CHSY3: variants seen among roughly 807,000 people sequenced by gnomAD.
The protein encoded by CHSY3 is N-acetylgalactosaminyl-proteoglycan 3-beta-glucuronosyltransferase 3.
CHSY3 carries 35 observed loss-of-function variants against 67.2 expected under a neutral mutation model. The ratio of observed to expected loss-of-function variants is 0.52; its 90% CI spans 0.40 to 0.69. The LOEUF (loss-of-function observed/expected upper bound fraction) is 0.69. Among genes scored for constraint, CHSY3 ranks in the 30% least tolerant of loss-of-function variants. The pLI is 0.00. For synonymous variants in CHSY3, 474 were observed against 434.7 expected (o/e 1.09, Z -1.12); for missense variants, 1,069 against 1,138.5 (o/e 0.94, Z 0.88).
intron 2 of CHSY3, among the ~76,000 whole-genome samples, chr5:130,180,791 A>T (rs1429285989): frequency 6.6e-6 from 1 of 152,186 alleles, no homozygotes; most frequent in East Asian, 1.9e-4. Flanking sequence ...GGAGCACTGC[A>T]GTGAGCAGAG....
At chr5:129,940,929 A>G (rs1181914266) in intron 2 of CHSY3, among the ~76,000 whole-genome samples, 3 of 152,150 alleles carry the variant, frequency 2.0e-5, no homozygotes, top group Non-Finnish European at 4.4e-5. Context: ...ATGCTAAGCT[A>G]TGATGTTCAG....
chr5:129,927,648 T>C (rs1047978198), intron 2 of CHSY3, among the ~76,000 whole-genome samples: 1 of 152,054 alleles, frequency 6.6e-6, no homozygotes, highest in African/African-American at 2.4e-5. Flanking sequence ...CAGGTTTTAT[T>C]GTATAGTGGC....
intron 2 of CHSY3, among the ~76,000 whole-genome samples, chr5:130,058,589 G>A (rs930835994): frequency 6.6e-6 from 1 of 152,194 alleles, no homozygotes; most frequent in Non-Finnish European, 1.5e-5. Flanking sequence ...TTGCACCATT[G>A]TACTCCAGCC....
intron 2 of CHSY3, among the ~76,000 whole-genome samples, chr5:129,986,468 A>T (rs1022078241): frequency 5.9e-5 from 9 of 152,030 alleles, no homozygotes; most frequent in Admixed American, 3.9e-4. Context: ...TTCATCCGGG[A>T]TATTGGCCTA....
At chr5:130,181,278 A>G (rs1561573204) in intron 2 of CHSY3, among the ~76,000 whole-genome samples, 1 of 152,246 alleles carries the variant, frequency 6.6e-6, no homozygotes, top group Non-Finnish European at 1.5e-5. Flanking sequence ...GCAAATTAAT[A>G]TAATTTTTAA....
intron 2 of CHSY3, among the ~76,000 whole-genome samples, chr5:130,055,786 C>T (rs1398009665): frequency 6.6e-6 from 1 of 151,844 alleles, no homozygotes; most frequent in East Asian, 1.9e-4. Context: ...CCATTGAGTC[C>T]CGGACATTTT....
At chr5:130,115,369 C>T (rs1444024052) in intron 2 of CHSY3, among the ~76,000 whole-genome samples, 2 of 152,060 alleles carry the variant, frequency 1.3e-5, no homozygotes, top group African/African-American at 4.8e-5. Flanking sequence ...CAAAGCAAGG[C>T]ATAAATTTCA....
intron 2 of CHSY3, among the ~76,000 whole-genome samples, chr5:129,923,690 T>G (rs1169816072): frequency 6.6e-6 from 1 of 152,086 alleles, no homozygotes; most frequent in Non-Finnish European, 1.5e-5. Flanking sequence ...GGAAACACAA[T>G]TGGCAGATCA....
intron 2 of CHSY3, among the ~76,000 whole-genome samples, chr5:130,123,174 TA>T (rs906577949): frequency 6.6e-6 from 1 of 152,124 alleles, no homozygotes; most frequent in African/African-American, 2.4e-5. Context: ...TGCCACTATG[TA>T]AAAAATAAAA....
intron 2 of CHSY3, among the ~76,000 whole-genome samples, chr5:130,163,207 A>C (rs1224756515): frequency 2.0e-5 from 3 of 152,202 alleles, no homozygotes; most frequent in African/African-American, 4.8e-5. Flanking sequence ...GCTATTAGTG[A>C]GATACATAGT....
intron 2 of CHSY3, among the ~76,000 whole-genome samples, chr5:130,023,810 G>A (rs1159492549): frequency 1.3e-5 from 2 of 151,774 alleles, no homozygotes; most frequent in Admixed American, 6.6e-5. Flanking sequence ...TGTACAGAGA[G>A]GAAAAATGAG....
chr5:129,990,377 A>AGTGTGTGTGTGT (rs34958818), intron 2 of CHSY3, among the ~76,000 whole-genome samples: 16 of 147,578 alleles, frequency 1.1e-4, no homozygotes, highest in South Asian at 8.7e-4. Context: ...TGAGTGAGTG[A>AGTGTGTGTGTGT]GTGTGTGTGT....
chr5:130,120,622 C>T (rs964624495), intron 2 of CHSY3, among the ~76,000 whole-genome samples: 2 of 152,042 alleles, frequency 1.3e-5, no homozygotes, highest in Non-Finnish European at 2.9e-5. Flanking sequence ...TATGTGTGAC[C>T]TATGGCAAGT....
chr5:130,128,933 T>TG, intron 2 of CHSY3, among the ~76,000 whole-genome samples: 1 of 148,938 alleles, frequency 6.7e-6, no homozygotes, highest in South Asian at 2.1e-4. Context: ...AATGTGAGGT[T>TG]TTTTTTTTTT....
At chr5:129,923,191 T>A (rs1760979794) in intron 2 of CHSY3, among the ~76,000 whole-genome samples, 1 of 148,902 alleles carries the variant, frequency 6.7e-6, no homozygotes, top group South Asian at 2.2e-4. Flanking sequence ...TGATTAGAGA[T>A]GTAGGAGTGG....
intron 2 of CHSY3, among the ~76,000 whole-genome samples, chr5:130,022,073 A>T (rs1199873548): frequency 1.3e-5 from 2 of 152,074 alleles, no homozygotes; most frequent in East Asian, 3.9e-4. Flanking sequence ...AAAGGCCGAC[A>T]TTGCTTTTTG....
intron 2 of CHSY3, among the ~76,000 whole-genome samples, chr5:130,050,984 G>A (rs1010239915): frequency 6.6e-6 from 1 of 152,078 alleles, no homozygotes; most frequent in African/African-American, 2.4e-5. Context: ...ATATTTAAAT[G>A]TACTATCATA....
chr5:129,938,566 C>T (rs181052023), intron 2 of CHSY3, among the ~76,000 whole-genome samples: 101 of 152,328 alleles, frequency 6.6e-4, no homozygotes, highest in African/African-American at 1.7e-3. Flanking sequence ...CAGGCCACAT[C>T]GTGAACACTC....
chr5:130,043,079 T>C (rs1447131940), intron 2 of CHSY3, among the ~76,000 whole-genome samples: 4 of 152,064 alleles, frequency 2.6e-5, no homozygotes, highest in Non-Finnish European at 4.4e-5. Flanking sequence ...AATTGTGATA[T>C]AAATGTTAAA....
Sources: gnomAD v4.1 joint callset for allele counts (sites outside exome capture counted in the v4.1 genomes callset) on GRCh38, gnomAD v4.1.1 for gene constraint, MANE v1.5 for transcripts, NCBI Gene and HGNC (gene_info 2026-07-23, HGNC 2026-07-21) for gene names.